Variants in ARID4B observed in about 807,000 individuals in gnomAD.
ARID4B encodes AT-rich interactive domain-containing protein 4B.
A neutral mutation model predicts 147.5 loss-of-function variants in ARID4B; 26 were observed. That is an observed-to-expected ratio of 0.18 (90% CI 0.13 to 0.24). The LOEUF (loss-of-function observed/expected upper bound fraction) is 0.24, where lower values mean the gene tolerates loss of function less well. ARID4B is among the 10% of genes least tolerant of loss of function. The pLI, the probability that ARID4B is intolerant of heterozygous loss-of-function variation, is 1.00. For missense variants in ARID4B, 1,179 were observed against 1,511.5 expected, an observed-to-expected ratio of 0.78 and a Z score of 3.65; for synonymous variants, 512 against 507.9, an observed-to-expected ratio of 1.01 and a Z score of -0.11.
At chr1:235,197,607 T>C (rs1199522628) in intron 17 of ARID4B, among the ~76,000 whole-genome samples, 1 of 152,190 alleles carries the variant, frequency 6.6e-6, no homozygotes, top group Non-Finnish European at 1.5e-5. Flanking sequence ...CTTAACATAA[T>C]CCCTGCTTCC....
chr1:235,259,605 T>C (rs886816231), intron 3 of ARID4B, among the ~76,000 whole-genome samples: 1 of 152,132 alleles, frequency 6.6e-6, no homozygotes, highest in Non-Finnish European at 1.5e-5. Context: ...ATGCACACTA[T>C]AAAAGCACCA....
chr1:235,283,110 T>G (rs1028834016), intron 2 of ARID4B, among the ~76,000 whole-genome samples: 1 of 152,226 alleles, frequency 6.6e-6, no homozygotes, highest in Non-Finnish European at 1.5e-5. Context: ...ATAAGAAGTT[T>G]TATGTATCTT....
chr1:235,300,917 A>G (rs913789974), intron 2 of ARID4B, among the ~76,000 whole-genome samples: 7 of 151,666 alleles, frequency 4.6e-5, no homozygotes, highest in African/African-American at 1.5e-4. Context: ...GGGTTTCACT[A>G]TATTGGCCAG....
intron 8 of ARID4B, among the ~76,000 whole-genome samples, chr1:235,237,356 T>C (rs1318376285): frequency 1.3e-5 from 2 of 152,108 alleles, no homozygotes; most frequent in African/African-American, 2.4e-5. Flanking sequence ...ACCTATCTCA[T>C]AATAGGTGTT....
At chr1:235,312,594 T>C (rs899469435) in intron 2 of ARID4B, among the ~76,000 whole-genome samples, 4 of 152,124 alleles carry the variant, frequency 2.6e-5, no homozygotes, top group African/African-American at 9.7e-5. Flanking sequence ...AAAGCACGAA[T>C]AGGTGACTTA....
intron 19 of ARID4B, among the ~76,000 whole-genome samples, chr1:235,188,442 C>T (rs534190167): frequency 6.6e-6 from 1 of 152,196 alleles, no homozygotes; most frequent in East Asian, 1.9e-4. Flanking sequence ...TGGGTGAAGA[C>T]TAAAAATTAC....
At chr1:235,237,335 T>C (rs543280281) in intron 8 of ARID4B, among the ~76,000 whole-genome samples, 2 of 152,170 alleles carry the variant, frequency 1.3e-5, no homozygotes, top group African/African-American at 4.8e-5. Context: ...TACATCGGGA[T>C]AAATAATAAT....
intron 9 of ARID4B, among the ~76,000 whole-genome samples, chr1:235,232,775 C>A (rs1668320697): frequency 3.3e-5 from 5 of 152,112 alleles, no homozygotes. Flanking sequence ...TATTCAATTT[C>A]TGTGCTCAAA....
In ARID4B at chr1:235,236,838, A is replaced by ATATATATATATATATATATATGTG. The variant is rs1558233458; in HGVS notation, c.586-2347_586-2346insCACATATATATATATATATATATA. Among the ~76,000 whole-genome samples, 6 of 27,896 alleles carry ATATATATATATATATATATATGTG rather than the reference A, an allele frequency of 2.2e-4. 1 individual carries two copies. The highest frequency in any genetic ancestry group is 4.3e-4 in the Non-Finnish European group (6 of 14,082). 18.3% of individuals were successfully genotyped at this position (27,896 alleles called of 152,430 possible). A position where few individuals can be genotyped will look rare whatever the true frequency, so the allele number is the denominator to read the frequency against. On this transcript the variant is annotated intron_variant, in intron 8 of 23. Transcript: ENST00000264183. ...CACAAAACGGTTTTATAAAAAATAT[A>ATATATATATATATATATATATGTG]TATATATATATATATATATATATAT...
chr1:235,298,486 ATATT>A (rs1672902691), intron 2 of ARID4B, among the ~76,000 whole-genome samples: 1 of 148,822 alleles, frequency 6.7e-6, no homozygotes. Context: ...AATATAACGT[ATATT>A]TATATATATC....
intron 3 of ARID4B, among the ~76,000 whole-genome samples, chr1:235,260,068 G>A (rs1670204541): frequency 6.6e-6 from 1 of 152,068 alleles, no homozygotes; most frequent in African/African-American, 2.4e-5. Flanking sequence ...TTATTAAAAT[G>A]GAAGCAATTA....
At chr1:235,232,206 G>A (rs1252076229) in intron 9 of ARID4B, among the ~76,000 whole-genome samples, 8 of 151,822 alleles carry the variant, frequency 5.3e-5, no homozygotes, top group Non-Finnish European at 1.5e-5. Flanking sequence ...GATCACCTGG[G>A]GTCAGGAGTT....
chr1:235,240,806 G>C (rs975569623), intron 7 of ARID4B, among the ~76,000 whole-genome samples: 1 of 152,032 alleles, frequency 6.6e-6, no homozygotes, highest in Admixed American at 6.5e-5. Context: ...CAAATTAAAG[G>C]AATTCTGGAG....
At chr1:235,204,645 G>A (rs1666188594) in intron 17 of ARID4B, among the ~76,000 whole-genome samples, 1 of 152,158 alleles carries the variant, frequency 6.6e-6, no homozygotes, top group Non-Finnish European at 1.5e-5. Context: ...TTACCAAAGC[G>A]TACAAAGACA....
chr1:235,238,775 A>C (rs183821984), intron 8 of ARID4B, among the ~76,000 whole-genome samples: 3 of 152,036 alleles, frequency 2.0e-5, no homozygotes, highest in Admixed American at 6.6e-5. Context: ...AGAATTGTTG[A>C]GCCCAGGAGG....
chr1:235,173,032 C>T (rs1663478290), intron 22 of ARID4B, among the ~76,000 whole-genome samples: 1 of 152,072 alleles, frequency 6.6e-6, no homozygotes, highest in Admixed American at 6.6e-5. Context: ...AGTATTACCA[C>T]AGTAAAAAAT....
At chr1:235,292,831 T>C (rs748836126) in intron 2 of ARID4B, among the ~76,000 whole-genome samples, 9 of 152,190 alleles carry the variant, frequency 5.9e-5, no homozygotes, top group Non-Finnish European at 1.5e-5. Context: ...AGGTACAACA[T>C]GGACCCCAAA....
At chr1:235,300,030 A>G (rs1197633107) in intron 2 of ARID4B, among the ~76,000 whole-genome samples, 1 of 152,124 alleles carries the variant, frequency 6.6e-6, no homozygotes. Context: ...CTCCCCCATA[A>G]AAGAAACCCA....
At chr1:235,185,001 G>A (rs1664577930) in intron 19 of ARID4B, among the ~76,000 whole-genome samples, 1 of 152,070 alleles carries the variant, frequency 6.6e-6, no homozygotes, top group South Asian at 2.1e-4. Context: ...ATTTTTAGTA[G>A]AGATGAAGTT....
Sources: gnomAD v4.1 joint callset for allele counts (sites outside exome capture counted in the v4.1 genomes callset) on GRCh38, gnomAD v4.1.1 for gene constraint, MANE v1.5 for transcripts, NCBI Gene and HGNC (gene_info 2026-07-23, HGNC 2026-07-21) for gene names.